The following HERPUD2 variants were observed in gnomAD, a reference collection of about 807,000 sequenced individuals.
The protein encoded by HERPUD2 is homocysteine-responsive endoplasmic reticulum-resident ubiquitin-like domain member 2 protein.
A neutral mutation model predicts 49.9 loss-of-function variants in HERPUD2; 13 were observed. The observed-to-expected ratio is 0.26, with a 90% CI of 0.17 to 0.41. The LOEUF is 0.41. Ranked by LOEUF, HERPUD2 falls within the 10% of genes least tolerant of loss-of-function variation. The pLI is 1.00. For missense variants in HERPUD2, 449 were observed against 492.2 expected, an observed-to-expected ratio of 0.91 and a Z score of 0.83; for synonymous variants, 172 against 171.4, an observed-to-expected ratio of 1.00 and a Z score of -0.03.
intron 5 of HERPUD2, among the ~76,000 whole-genome samples, chr7:35,666,122 C>A (rs531818559): frequency 6.6e-6 from 1 of 152,136 alleles, no homozygotes; most frequent in Non-Finnish European, 1.5e-5. Flanking sequence ...TGTCATAAGA[C>A]AAAGTATTTG....
At chr7:35,652,552 T>C (rs562195894) in intron 5 of HERPUD2, among the ~76,000 whole-genome samples, 4 of 146,478 alleles carry the variant, frequency 2.7e-5, no homozygotes, top group South Asian at 2.1e-4. Context: ...CAGGAGAGAA[T>C]AGGCAGATAT....
intron 5 of HERPUD2, among the ~76,000 whole-genome samples, chr7:35,654,625 A>C (rs1785235153): frequency 6.6e-6 from 1 of 151,298 alleles, no homozygotes; most frequent in Non-Finnish European, 1.5e-5. Flanking sequence ...ATCTCCCAAC[A>C]AAGAAAAGTC....
chr7:35,645,815 T>C (rs1036375003), intron 5 of HERPUD2, among the ~76,000 whole-genome samples: 3 of 152,186 alleles, frequency 2.0e-5, no homozygotes, highest in Non-Finnish European at 2.9e-5. Context: ...TGTAAGCACA[T>C]TTTATCTCTA....
chr7:35,663,139 T>C (rs2115933705), intron 5 of HERPUD2, among the ~76,000 whole-genome samples: 1 of 152,352 alleles, frequency 6.6e-6, no homozygotes, highest in East Asian at 1.9e-4. Flanking sequence ...CCAGTAGTCA[T>C]TCAGGAGCAG....
intron 5 of HERPUD2, among the ~76,000 whole-genome samples, chr7:35,659,882 C>CTTTAT (rs202027289): frequency 2.7e-5 from 4 of 147,940 alleles, no homozygotes; most frequent in South Asian, 2.1e-4. Flanking sequence ...TTTTTTATTC[C>CTTTAT]TTTATTTTAT....
intron 2 of HERPUD2, among the ~76,000 whole-genome samples, chr7:35,690,252 C>T (rs749131203): frequency 6.6e-6 from 1 of 152,160 alleles, no homozygotes; most frequent in Non-Finnish European, 1.5e-5. Flanking sequence ...TAAACTAGTG[C>T]ACTTCCCATT....
Position 35,633,802 on chromosome 7 carries a change from C to G in HERPUD2, c.1109G>C (p.Gly370Ala), listed in dbSNP as rs1254691755. 6.2e-7 allele frequency: 1 copy of G among 1,613,900 alleles called. No homozygotes were observed. Among genetic ancestry groups the G allele is most frequent in the Non-Finnish European group, 8.5e-7 (1 of 1,179,944 alleles). The change falls in exon 9 of 9, where the codon GGT becomes GCT. Residue 370 changes from glycine to alanine, a missense_variant. Transcript: ENST00000311350. ...CCTTTGAATTGCACTGGCATCTTCA[C>G]CTCCATCTTCTCCACTCTCATCTTC... The part of the protein sequence containing the change: ...GLEDESGEDG[G>A]EDASAIQRPG...
intron 5 of HERPUD2, among the ~76,000 whole-genome samples, chr7:35,664,736 T>C (rs1785501463): frequency 6.6e-6 from 1 of 152,222 alleles, no homozygotes. Context: ...GGTTTTCAGC[T>C]CCATCAGGTC....
chr7:35,635,343 G>A lies in HERPUD2; in HGVS notation c.733C>T (p.Leu245=), dbSNP rs748455658. 3.4e-5 allele frequency: 55 copies of A among 1,614,144 alleles called. No homozygotes were observed. The highest frequency in any genetic ancestry group is 4.6e-5 in the Non-Finnish European group (54 of 1,180,034). The change falls in exon 7 of 9, where the codon CTA becomes TTA. Residue 245 remains leucine, a synonymous_variant. Coordinates refer to ENST00000311350, the MANE Select transcript of HERPUD2 (RefSeq NM_022373.5). ...PGEEPPPAPN[L]VAQENRPMNE... is the part of the protein sequence containing the mutation. ...ATGGGTCGATTTTCTTGGGCCACTAGGTTTGGAGCTGGTGGGGGTTCTTCT... is the reference window on the plus strand; with the variant it reads ...ATGGGTCGATTTTCTTGGGCCACTAAGTTTGGAGCTGGTGGGGGTTCTTCT...
intron 5 of HERPUD2, among the ~76,000 whole-genome samples, chr7:35,650,897 T>G (rs1785151295): frequency 6.6e-6 from 1 of 152,126 alleles, no homozygotes; most frequent in Non-Finnish European, 1.5e-5. Flanking sequence ...CCAGGGAGCC[T>G]GAGATCAAGC....
intron 2 of HERPUD2, among the ~76,000 whole-genome samples, chr7:35,685,199 T>C (rs2116033200): frequency 6.6e-6 from 1 of 150,972 alleles, no homozygotes; most frequent in African/African-American, 2.4e-5. Flanking sequence ...GTCGTGCCAC[T>C]GTCCTCCAAC....
intron 5 of HERPUD2, among the ~76,000 whole-genome samples, chr7:35,642,814 G>A (rs141861675): frequency 1.8e-3 from 267 of 152,260 alleles, no homozygotes; most frequent in African/African-American, 6.1e-3. Flanking sequence ...TGAGAGTGGA[G>A]GGTGGGAGGA....
At chr7:35,649,800 T>C (rs1284943113) in intron 5 of HERPUD2, among the ~76,000 whole-genome samples, 4 of 152,140 alleles carry the variant, frequency 2.6e-5, no homozygotes, top group East Asian at 1.9e-4. Flanking sequence ...AGAGAATAGA[T>C]TGTAAGTATT....
At position 35,638,441 on chromosome 7, in the gene HERPUD2, C is replaced by T. The variant is rs1462848409; in HGVS notation, c.526G>A (p.Ala176Thr). Residue 176 changes from alanine (A) to threonine (T), a missense_variant, in exon 6 of 9, where the codon GCT becomes ACT. Transcript: ENST00000311350. The stretch of plus-strand genomic sequence containing the variant: ...GGATACACTGGGAATCCAGGTGGAG[C>T]AGCTTGCCCAGGAAATTGGTTGTCT... Reference protein sequence around the residue: ...NVDNQFPGQAAPPGFPVYPAF... With the variant: ...NVDNQFPGQATPPGFPVYPAF... The T allele has an allele frequency of 6.2e-7, 1 of 1,613,464 alleles. No individual in the cohort carries two copies. Among genetic ancestry groups the T allele is most frequent in the Non-Finnish European group, 8.5e-7 (1 of 1,179,528 alleles).
At chr7:35,682,684 GA>G (rs769444981) in intron 2 of HERPUD2, among the ~76,000 whole-genome samples, 1 of 151,830 alleles carries the variant, frequency 6.6e-6, no homozygotes, top group Non-Finnish European at 1.5e-5. Flanking sequence ...CCTCCAGAAA[GA>G]AAGTTCCTAG....
intron 2 of HERPUD2, among the ~76,000 whole-genome samples, chr7:35,684,851 T>C (rs1785999976): frequency 1.3e-5 from 2 of 152,064 alleles, no homozygotes; most frequent in South Asian, 2.1e-4. Context: ...CTAAAGAACT[T>C]ACTCATGTAA....
chr7:35,645,335 T>C (rs10269107), intron 5 of HERPUD2, among the ~76,000 whole-genome samples: 8 of 152,020 alleles, frequency 5.3e-5, no homozygotes, highest in African/African-American at 1.9e-4. Context: ...TAGTCATAGA[T>C]ACTCGGGAGG....
intron 5 of HERPUD2, among the ~76,000 whole-genome samples, chr7:35,660,458 C>A (rs1197869098): frequency 1.3e-5 from 2 of 152,196 alleles, no homozygotes; most frequent in East Asian, 3.8e-4. Context: ...GCCACACTGT[C>A]TTCCACAATG....
rs1156360083 is a variant in HERPUD2, at chr7:35,633,158, C to T, written c.*532G>A. The T allele has an allele frequency of 6.6e-6, 1 of 151,910 alleles. No homozygotes were observed. Among genetic ancestry groups the T allele is most frequent in the African/African-American group, 2.4e-5 (1 of 41,284 alleles). 9.4% of individuals were successfully genotyped at this position (151,910 alleles called of 1,614,324 possible). On this transcript the variant is annotated 3_prime_UTR_variant, in exon 9 of 9. Transcript: ENST00000311350. ...CTCAGCTCACTGCAACCTCCGCCTC[C>T]TGGGTTCAGGCAATTCTCCTGCCTG...
Sources: gnomAD v4.1 joint callset for allele counts (sites outside exome capture counted in the v4.1 genomes callset) on GRCh38, gnomAD v4.1.1 for gene constraint, MANE v1.5 for transcripts, NCBI Gene and HGNC (gene_info 2026-07-23, HGNC 2026-07-21) for gene names.